Variants in SGCZ observed in about 807,000 individuals in gnomAD.
SGCZ encodes sarcoglycan zeta, also known as zeta-sarcoglycan.
Under a neutral mutation model 41.3 loss-of-function variants are expected in SGCZ, and 40 were observed. The ratio of observed to expected loss-of-function variants is 0.97; its 90% confidence interval spans 0.75 to 1.26. SGCZ has a LOEUF of 1.26. SGCZ is among the 50% of genes most tolerant of loss of function. The probability of loss-of-function intolerance (pLI) is 0.00; values close to 1 mark genes in which losing one functional copy is unlikely to be tolerated. For missense variants in SGCZ, 552 were observed against 369.8 expected, an observed-to-expected ratio of 1.49 and a Z score of -4.04; for synonymous variants, 206 against 137.5, an observed-to-expected ratio of 1.50 and a Z score of -3.49.
intron 2 of SGCZ, among the ~76,000 whole-genome samples, chr8:14,449,224 T>C (rs1203884836): frequency 6.6e-6 from 1 of 152,236 alleles, no homozygotes; most frequent in East Asian, 1.9e-4. Flanking sequence ...TTTCATGTTA[T>C]GCTATAGTAA....
intron 1 of SGCZ, among the ~76,000 whole-genome samples, chr8:15,234,304 A>C (rs1374395476): frequency 1.3e-5 from 2 of 152,184 alleles, no homozygotes; most frequent in African/African-American, 4.8e-5. Flanking sequence ...GGCTTTTTCT[A>C]ATATCAATAT....
At chr8:14,534,126 T>C (rs1225377050) in intron 2 of SGCZ, among the ~76,000 whole-genome samples, 1 of 151,952 alleles carries the variant, frequency 6.6e-6, no homozygotes, top group East Asian at 1.9e-4. Flanking sequence ...ATCTAGCCAC[T>C]TGGAGTTGGA....
chr8:14,793,058 T>C (rs958242729), intron 1 of SGCZ, among the ~76,000 whole-genome samples: 3 of 152,248 alleles, frequency 2.0e-5, no homozygotes, highest in African/African-American at 7.2e-5. Flanking sequence ...CAATATGTGA[T>C]CTATCTCCAC....
intron 3 of SGCZ, among the ~76,000 whole-genome samples, chr8:14,301,029 T>C (rs1399177789): frequency 6.6e-6 from 1 of 151,480 alleles, no homozygotes; most frequent in African/African-American, 2.4e-5. Context: ...CCCCCACTTA[T>C]GATGTGAGAA....
intron 3 of SGCZ, among the ~76,000 whole-genome samples, chr8:14,282,339 C>G (rs1800475571): frequency 1.3e-5 from 1 of 74,300 alleles, no homozygotes; most frequent in African/African-American, 5.0e-5. Flanking sequence ...GTCTGTCTGC[C>G]AAAAATCCCT....
intron 1 of SGCZ, among the ~76,000 whole-genome samples, chr8:15,222,262 C>G (rs1585689756): frequency 6.6e-6 from 1 of 152,212 alleles, no homozygotes; most frequent in East Asian, 1.9e-4. Flanking sequence ...CATCCATATT[C>G]CAGGGAGAGA....
intron 1 of SGCZ, among the ~76,000 whole-genome samples, chr8:14,607,032 A>G (rs1805772634): frequency 6.6e-6 from 1 of 152,148 alleles, no homozygotes; most frequent in African/African-American, 2.4e-5. Context: ...CTGAAATGAG[A>G]AAATCACTGA....
At chr8:14,341,747 C>T (rs899629548) in intron 2 of SGCZ, among the ~76,000 whole-genome samples, 2 of 152,146 alleles carry the variant, frequency 1.3e-5, no homozygotes, top group Non-Finnish European at 2.9e-5. Context: ...CTCATGAGAT[C>T]TGATGGGTTT....
chr8:14,974,631 C>G (rs1465287094), intron 1 of SGCZ, among the ~76,000 whole-genome samples: 4 of 152,044 alleles, frequency 2.6e-5, no homozygotes, highest in Non-Finnish European at 4.4e-5. Flanking sequence ...TTGAAGCTCC[C>G]CAGCATGTTC....
At chr8:14,099,232 C>A (rs1006629166) in intron 7 of SGCZ, among the ~76,000 whole-genome samples, 1 of 152,122 alleles carries the variant, frequency 6.6e-6, no homozygotes, top group Non-Finnish European at 1.5e-5. Context: ...GGCAGTGACG[C>A]TGTTCACTTT....
At chr8:15,201,532 C>G (rs1800889744) in intron 1 of SGCZ, among the ~76,000 whole-genome samples, 1 of 152,114 alleles carries the variant, frequency 6.6e-6, no homozygotes, top group South Asian at 2.1e-4. Flanking sequence ...AATGTCAGTT[C>G]AAGACCATGT....
chr8:14,203,158 C>G (rs964060839), intron 4 of SGCZ, among the ~76,000 whole-genome samples: 10 of 152,176 alleles, frequency 6.6e-5, no homozygotes, highest in Non-Finnish European at 4.4e-5. Context: ...GTAAATTGCC[C>G]AGTCCCAGAT....
At chr8:14,865,941 G>A (rs1230781989) in intron 1 of SGCZ, among the ~76,000 whole-genome samples, 2 of 152,052 alleles carry the variant, frequency 1.3e-5, no homozygotes, top group Non-Finnish European at 2.9e-5. Context: ...TCATTAATTT[G>A]CCTCTATAAG....
intron 1 of SGCZ, among the ~76,000 whole-genome samples, chr8:15,105,764 T>A (rs1806800539): frequency 6.6e-6 from 1 of 152,194 alleles, no homozygotes; most frequent in African/African-American, 2.4e-5. Flanking sequence ...TGGGAAGGCA[T>A]AAGCACTCAT....
intron 1 of SGCZ, among the ~76,000 whole-genome samples, chr8:14,725,579 A>G (rs150422679): frequency 4.5e-4 from 68 of 152,346 alleles, no homozygotes; most frequent in African/African-American, 1.5e-3. Context: ...AAAAATAATG[A>G]GAAGCAAGGG....
intron 2 of SGCZ, among the ~76,000 whole-genome samples, chr8:14,494,552 G>T (rs1017818439): frequency 6.6e-6 from 1 of 151,842 alleles, no homozygotes; most frequent in Non-Finnish European, 1.5e-5. Flanking sequence ...ACACACACAC[G>T]CTCCTTACAG....
chr8:14,367,904 A>G (rs1007479345), intron 2 of SGCZ, among the ~76,000 whole-genome samples: 1 of 152,074 alleles, frequency 6.6e-6, no homozygotes, highest in Non-Finnish European at 1.5e-5. Flanking sequence ...AGAGCAAGAA[A>G]AGTCTGATCT....
intron 2 of SGCZ, among the ~76,000 whole-genome samples, chr8:14,517,103 A>G (rs571698285): frequency 1.3e-5 from 2 of 152,104 alleles, no homozygotes; most frequent in Non-Finnish European, 2.9e-5. Context: ...TTTCTTGTAC[A>G]AAACAATGTA....
Position 14,450,071 on chromosome 8 carries a change from A to G in SGCZ, c.234+104661T>C, listed in dbSNP as rs569663204. Among the ~76,000 whole-genome samples the G allele has an allele frequency of 5.9e-5, 9 of 152,328 alleles. No homozygotes were observed. In the East Asian group the frequency reaches 1.5e-3, roughly 26 times the overall value. ...AAAGTGAAAATGAAAACAAAACTACATATTCAACATATTCATTAAACCAGA... is the reference window on the plus strand; with the variant it reads ...AAAGTGAAAATGAAAACAAAACTACGTATTCAACATATTCATTAAACCAGA... On this transcript the variant is annotated intron_variant, in intron 2 of 7. Transcript: ENST00000382080.
Sources: allele counts gnomAD v4.1 joint callset (sites outside exome capture counted in the v4.1 genomes callset), GRCh38; gene constraint gnomAD v4.1.1; transcripts MANE v1.5; gene names NCBI Gene and HGNC (gene_info 2026-07-23, HGNC 2026-07-21).